Variants in PLBD1 observed in about 807,000 individuals in gnomAD.
PLBD1 encodes lysosomal leucine aminopeptidase.
A neutral mutation model predicts 63.0 loss-of-function variants in PLBD1; 60 were observed. The observed-to-expected ratio is 0.95, with a 90% CI of 0.77 to 1.18. The LOEUF is 1.18. Ranked by LOEUF, PLBD1 falls within the 50% of genes most tolerant of loss-of-function variation. The pLI is 0.00. For synonymous variants in PLBD1, 262 were observed against 248.0 expected, an observed-to-expected ratio of 1.06 and a Z score of -0.53; for missense variants, 598 against 677.9, an observed-to-expected ratio of 0.88 and a Z score of 1.31.
At chr12:14,529,326 A>G (rs910351532) in intron 6 of PLBD1, among the ~76,000 whole-genome samples, 6 of 152,154 alleles carry the variant, frequency 3.9e-5, no homozygotes, top group Non-Finnish European at 7.3e-5. Context: ...AACAAAAACC[A>G]TCATAAGAAA....
At chr12:14,542,990 C>T (rs761528482) in intron 2 of PLBD1, among the ~76,000 whole-genome samples, 26 of 151,900 alleles carry the variant, frequency 1.7e-4, no homozygotes, top group Non-Finnish European at 3.5e-4. Context: ...GAGCTTGCAG[C>T]GATTCTTTAT....
At chr12:14,553,599 G>A (rs975865164) in intron 1 of PLBD1, 187 bp from the exon 2 acceptor site, 14 of 614,740 alleles carry the variant, frequency 2.3e-5, no homozygotes, top group Non-Finnish European at 3.4e-5. Flanking sequence ...AATCAAGGGG[G>A]ATAAGCCCAA....
rs1202369142 is a variant in PLBD1, at chr12:14,559,353, G to A, written c.116-5941C>T. Among the ~76,000 whole-genome samples the A allele has an allele frequency of 3.3e-5, 5 of 152,000 alleles. No individual in the cohort carries two copies. The East Asian group carries it at 9.6e-4, about 29-fold the overall frequency. On this transcript the variant is annotated intron_variant, in intron 1 of 10. Transcript: ENST00000240617. ...TTATTTATTATTTATTTTTGAGCTG[G>A]GGTCTCGCTCTGTTGCTCAGGCTGG...
chr12:14,555,364 C>T (rs1290855844), intron 1 of PLBD1, among the ~76,000 whole-genome samples: 1 of 152,098 alleles, frequency 6.6e-6, no homozygotes, highest in African/African-American at 2.4e-5. Flanking sequence ...ATGGAGAAAC[C>T]TCGTCTCTAC....
chr12:14,549,754 C>T (rs570132469), intron 2 of PLBD1, among the ~76,000 whole-genome samples: 30 of 152,088 alleles, frequency 2.0e-4, no homozygotes, highest in Non-Finnish European at 4.0e-4. Context: ...CTGCAACCTC[C>T]GCCTCCTGGT....
chr12:14,532,781 A>T (rs537657277), intron 6 of PLBD1, among the ~76,000 whole-genome samples: 27 of 152,236 alleles, frequency 1.8e-4, no homozygotes, highest in African/African-American at 6.0e-4. Context: ...CTAGAAGGGG[A>T]TTTTGAAATT....
intron 6 of PLBD1, among the ~76,000 whole-genome samples, chr12:14,522,706 A>G (rs559069316): frequency 1.3e-5 from 2 of 152,318 alleles, no homozygotes; most frequent in South Asian, 4.1e-4. Context: ...ATGGTTCAAT[A>G]TATGCAAATC....
Position 14,567,650 on chromosome 12 carries a change from G to A in PLBD1, c.47C>T (p.Pro16Leu). ...CAGCAGCAGCAGCAGCAGAAGCGGT[G>A]GCGGCTGTGGCAGCCCCGGGCGCCC... ...PGGRPGLPQP[P>L]PLLLLLLLLP... Residue 16 changes from proline (P) to leucine (L), a missense_variant, in exon 1 of 11, where the codon CCA becomes CTA. Physicochemically the swap from Pro to Leu is moderately conservative, Grantham distance 98. Coordinates refer to ENST00000240617, the MANE Select transcript of PLBD1 (RefSeq NM_024829.6). 1.3e-6 allele frequency: 2 copies of A among 1,494,304 alleles called. No individual in the cohort carries two copies. The highest frequency in any genetic ancestry group is 2.1e-4 in the Middle Eastern group (1 of 4,834). 92.6% of individuals were successfully genotyped at this position (1,494,304 alleles called of 1,614,324 possible). A position where few individuals can be genotyped will look rare whatever the true frequency, so the allele number is the denominator to read the frequency against.
At chr12:14,516,367 A>G (rs576600428) in intron 6 of PLBD1, among the ~76,000 whole-genome samples, 6 of 152,188 alleles carry the variant, frequency 3.9e-5, no homozygotes, top group African/African-American at 1.4e-4. Flanking sequence ...ACAACAAAAA[A>G]GGCTAAGCAA....
Position 14,536,599 on chromosome 12 carries a change from C to A in PLBD1, c.670G>T (p.Asp224Tyr). The change falls in exon 5 of 11, where the codon GAC becomes TAC. Residue 224 changes from aspartate to tyrosine, a missense_variant. Coordinates refer to ENST00000240617, the MANE Select transcript of PLBD1 (RefSeq NM_024829.6). ...NGSLKVFKRW[D>Y]MGHCSALIKV... ...ATAAGAGCGGAGCAATGTCCCATGT[C>A]CCATCTCTTAAAAACCTTTAGGCTG... The A allele has an allele frequency of 6.2e-7, 1 of 1,614,196 alleles. No homozygotes were observed. The highest frequency in any genetic ancestry group is 1.7e-5 in the Admixed American group (1 of 60,032).
chr12:14,527,172 T>G (rs1446619553), intron 6 of PLBD1, among the ~76,000 whole-genome samples: 1 of 152,208 alleles, frequency 6.6e-6, no homozygotes. Context: ...TAGCCCCATC[T>G]CTAATAGACA....
At chr12:14,523,973 G>T (rs974154084) in intron 6 of PLBD1, among the ~76,000 whole-genome samples, 16 of 152,242 alleles carry the variant, frequency 1.1e-4, no homozygotes, top group African/African-American at 3.8e-4. Context: ...ATACTATTCA[G>T]CCATAAAAAG....
At chr12:14,537,088 CAAA>C (rs371859037) in intron 4 of PLBD1, among the ~76,000 whole-genome samples, 9 of 53,398 alleles carry the variant, frequency 1.7e-4, no homozygotes, top group Non-Finnish European at 1.2e-4. Flanking sequence ...GACCGCATCT[CAAA>C]AAAAAAAAAA....
At chr12:14,524,052 G>A (rs1302984058) in intron 6 of PLBD1, among the ~76,000 whole-genome samples, 2 of 152,080 alleles carry the variant, frequency 1.3e-5, no homozygotes, top group East Asian at 3.9e-4. Flanking sequence ...AAATAAGCCA[G>A]GCACAGAAAG....
chr12:14,506,280 A>G lies in PLBD1; in HGVS notation c.1373-12T>C. 1 of 1,559,638 alleles carries G rather than the reference A, an allele frequency of 6.4e-7. No individual in the cohort carries two copies. Among genetic ancestry groups the G allele is most frequent in the Non-Finnish European group, 8.8e-7 (1 of 1,132,662 alleles). ...ATCCTTCTTATAATCTAGGAAACAGAAATGGGGAAGAGAGTGATTATTGGC... is the reference window on the plus strand; with the variant it reads ...ATCCTTCTTATAATCTAGGAAACAGGAATGGGGAAGAGAGTGATTATTGGC... On this transcript the variant is annotated splice_polypyrimidine_tract_variant and intron_variant, in intron 9 of 10. Coordinates refer to ENST00000240617, the MANE Select transcript of PLBD1 (RefSeq NM_024829.6).
At chr12:14,533,426 C>G (rs1945483356) in intron 6 of PLBD1, among the ~76,000 whole-genome samples, 1 of 152,172 alleles carries the variant, frequency 6.6e-6, no homozygotes, top group Admixed American at 6.5e-5. Context: ...TCTATGAAAT[C>G]TACTTGTGTA....
intron 3 of PLBD1, among the ~76,000 whole-genome samples, chr12:14,541,967 G>A (rs569258513): frequency 6.6e-6 from 1 of 152,260 alleles, no homozygotes; most frequent in South Asian, 2.1e-4. Flanking sequence ...TCCTCTAACC[G>A]TGTTAGCAAT....
chr12:14,505,392 T>C (rs1359157501), intron 10 of PLBD1, among the ~76,000 whole-genome samples: 1 of 152,148 alleles, frequency 6.6e-6, no homozygotes. Context: ...CAAAAGGATG[T>C]AGTAGCATGA....
intron 1 of PLBD1, among the ~76,000 whole-genome samples, chr12:14,558,090 AAAAGTAGAGTCTT>A (rs1945720044): frequency 6.6e-6 from 1 of 151,772 alleles, no homozygotes; most frequent in Non-Finnish European, 1.5e-5. Context: ...AATATGCACT[AAAAGTAGAGTCTT>A]AATACTAGAG....
Sources: gnomAD v4.1 joint callset for allele counts (sites outside exome capture counted in the v4.1 genomes callset) on GRCh38, gnomAD v4.1.1 for gene constraint, MANE v1.5 for transcripts, NCBI Gene and HGNC (gene_info 2026-07-23, HGNC 2026-07-21) for gene names.